CNTNAP5: variants seen among roughly 807,000 people sequenced by gnomAD.
CNTNAP5 encodes contactin associated protein family member 5.
CNTNAP5 carries 72 observed loss-of-function variants against 150.2 expected under a neutral mutation model. The observed-to-expected ratio is 0.48, with a 90% CI of 0.40 to 0.58. The LOEUF (loss-of-function observed/expected upper bound fraction) is 0.58. CNTNAP5 is among the 20% of genes least tolerant of loss of function. CNTNAP5 has a pLI of 0.00. For missense variants in CNTNAP5, 1,636 were observed against 1,626.2 expected (o/e 1.01, Z -0.10); for synonymous variants, 672 against 619.8 (o/e 1.08, Z -1.25).
chr2:124,196,072 T>C (rs1241782546), intron 1 of CNTNAP5, among the ~76,000 whole-genome samples: 1 of 150,320 alleles, frequency 6.7e-6, no homozygotes, highest in African/African-American at 2.4e-5. Context: ...AAATAGCAGT[T>C]TTTTTTTTCT....
chr2:124,057,471 T>TTTTTA (rs1305604939), intron 1 of CNTNAP5, among the ~76,000 whole-genome samples: 1 of 137,798 alleles, frequency 7.3e-6, no homozygotes, highest in Non-Finnish European at 1.6e-5. Context: ...TTTTTTTTTT[T>TTTTTA]AGTAGAGATG....
intron 3 of CNTNAP5, among the ~76,000 whole-genome samples, chr2:124,388,643 T>C (rs1690996456): frequency 6.6e-6 from 1 of 152,218 alleles, no homozygotes; most frequent in Admixed American, 6.5e-5. Context: ...TATTTGCTAA[T>C]GTCCATCCCT....
At chr2:124,170,372 T>C (rs778939616) in intron 1 of CNTNAP5, among the ~76,000 whole-genome samples, 15 of 152,206 alleles carry the variant, frequency 9.9e-5, no homozygotes, top group Non-Finnish European at 1.9e-4. Context: ...ATTTGACTTG[T>C]TCATTTGGCA....
chr2:124,548,194 C>T (rs1012007549), intron 10 of CNTNAP5, among the ~76,000 whole-genome samples: 11 of 152,130 alleles, frequency 7.2e-5, no homozygotes, highest in Non-Finnish European at 1.5e-4. Flanking sequence ...GTGTAAGGGT[C>T]GTGACATTTT....
chr2:124,424,894 T>A (rs909609070), intron 4 of CNTNAP5, among the ~76,000 whole-genome samples: 1 of 152,122 alleles, frequency 6.6e-6, no homozygotes, highest in African/African-American at 2.4e-5. Flanking sequence ...AGAAAAAAAA[T>A]ACACAGCTAA....
At chr2:124,763,915 C>T in intron 15 of CNTNAP5, 62 bp from the exon 16 acceptor site, 1 of 1,593,840 alleles carries the variant, frequency 6.3e-7, no homozygotes, top group South Asian at 1.1e-5. Context: ...TCCACATGTC[C>T]AGTGCTTTCC....
At chr2:124,606,917 C>T (rs1677236848) in intron 11 of CNTNAP5, among the ~76,000 whole-genome samples, 1 of 152,000 alleles carries the variant, frequency 6.6e-6, no homozygotes, top group Admixed American at 6.6e-5. Flanking sequence ...ACAGCGAAAC[C>T]ATATTAAAAA....
chr2:124,844,921 G>C (rs530582884), intron 19 of CNTNAP5, among the ~76,000 whole-genome samples: 4 of 151,946 alleles, frequency 2.6e-5, no homozygotes, highest in African/African-American at 4.8e-5. Flanking sequence ...TCAGCAAATA[G>C]TGACAGTGAC....
At chr2:124,029,766 G>A (rs2104619023) in intron 1 of CNTNAP5, among the ~76,000 whole-genome samples, 1 of 152,008 alleles carries the variant, frequency 6.6e-6, no homozygotes, top group South Asian at 2.1e-4. Context: ...ACAAAGTAAT[G>A]CGATATCATT....
intron 13 of CNTNAP5, among the ~76,000 whole-genome samples, chr2:124,652,938 T>G (rs998046518): frequency 1.3e-5 from 2 of 152,232 alleles, no homozygotes; most frequent in Admixed American, 6.5e-5. Flanking sequence ...AAATTCAGAC[T>G]CCATTACTTT....
In CNTNAP5 at chr2:124,724,084, G is replaced by A. The variant is rs1475586211; in HGVS notation, c.2078-23145G>A. Among the ~76,000 whole-genome samples, 4 of 151,772 alleles carry A rather than the reference G, an allele frequency of 2.6e-5. No homozygotes were observed. In the East Asian group the frequency reaches 5.8e-4, roughly 22 times the overall value. ...CCCTTGAACCTGGGAGGTGGAGGTT[G>A]CAGTGAGCTGAGATTGCACCACTGC... is the stretch of plus-strand genomic sequence containing the variant. On this transcript the variant is annotated intron_variant, in intron 13 of 23. Transcript: ENST00000682447.
chr2:124,626,648 A>G (rs776181131), intron 12 of CNTNAP5, among the ~76,000 whole-genome samples: 1 of 152,136 alleles, frequency 6.6e-6, no homozygotes, highest in Non-Finnish European at 1.5e-5. Context: ...TCGAGCAGGC[A>G]CTGAGCTGCA....
In CNTNAP5 at chr2:124,914,904, T is replaced by A. The variant is rs1273017771; in HGVS notation, c.*616T>A. Reference sequence around the variant, plus strand: ...TGAGTATTTTCAAATATATGATTGCTGATAGTAGTGACCAAAACTACTTTG... The same window carrying A: ...TGAGTATTTTCAAATATATGATTGCAGATAGTAGTGACCAAAACTACTTTG... On this transcript the variant is annotated 3_prime_UTR_variant, in exon 24 of 24. Transcript: ENST00000682447. 1 of 152,072 alleles carries A rather than the reference T, an allele frequency of 6.6e-6. No individual in the cohort carries two copies. The allele number at this position is 152,072 out of a possible 1,614,324, so 9.4% of individuals were successfully genotyped here.
At chr2:124,115,868 T>A (rs1183461155) in intron 1 of CNTNAP5, among the ~76,000 whole-genome samples, 2 of 150,992 alleles carry the variant, frequency 1.3e-5, no homozygotes, top group Non-Finnish European at 2.9e-5. Flanking sequence ...GTCTCAAACT[T>A]CTGGCCTCAA....
chr2:124,579,621 G>C (rs143456596), intron 11 of CNTNAP5, among the ~76,000 whole-genome samples: 67 of 152,306 alleles, frequency 4.4e-4, no homozygotes, highest in African/African-American at 1.6e-3. Context: ...CTGGTGCACT[G>C]TATTTTTTCA....
At chr2:124,300,144 G>A (rs1445485370) in intron 3 of CNTNAP5, among the ~76,000 whole-genome samples, 1 of 152,174 alleles carries the variant, frequency 6.6e-6, no homozygotes, top group Non-Finnish European at 1.5e-5. Context: ...AGGTGAGACA[G>A]CAAAGTCATG....
At position 124,884,470 on chromosome 2, in the gene CNTNAP5, G is replaced by T. The variant is rs1282161106; in HGVS notation, c.3436+14708G>T. ...CATGTGATCTCTCATTCTTGCTAGA[G>T]GCTTTACTCATGCTTCTGATGATCT... On this transcript the variant is annotated intron_variant, in intron 21 of 23. Transcript: ENST00000682447. 2.0e-5 allele frequency among the ~76,000 whole-genome samples: 3 copies of T among 152,098 alleles called. No homozygotes were observed. The South Asian group carries it at 6.2e-4, about 32-fold the overall frequency.
intron 4 of CNTNAP5, among the ~76,000 whole-genome samples, chr2:124,421,837 C>A (rs1256427634): frequency 6.6e-6 from 1 of 152,198 alleles, no homozygotes; most frequent in Non-Finnish European, 1.5e-5. Flanking sequence ...CCCGACTGTT[C>A]CTCTAAAGTC....
intron 7 of CNTNAP5, among the ~76,000 whole-genome samples, chr2:124,489,469 C>T (rs1429958972): frequency 6.6e-6 from 1 of 152,138 alleles, no homozygotes; most frequent in Non-Finnish European, 1.5e-5. Context: ...AATTTATTCA[C>T]TTCATGAAGT....
Sources: allele counts gnomAD v4.1 joint callset (sites outside exome capture counted in the v4.1 genomes callset), GRCh38; gene constraint gnomAD v4.1.1; transcripts MANE v1.5; gene names NCBI Gene and HGNC (gene_info 2026-07-23, HGNC 2026-07-21).